TDRD3: variants seen among roughly 807,000 people sequenced by gnomAD.
The protein encoded by TDRD3 is tudor domain containing 3, also known as tudor domain-containing protein 3.
A neutral mutation model predicts 86.7 loss-of-function variants in TDRD3; 45 were observed. That is an observed-to-expected ratio of 0.52 (90% CI 0.41 to 0.67). The LOEUF (loss-of-function observed/expected upper bound fraction) is 0.67. Among genes scored for constraint, TDRD3 ranks in the 30% least tolerant of loss-of-function variants. TDRD3 has a pLI of 0.00. For synonymous variants in TDRD3, 298 were observed against 301.7 expected, an observed-to-expected ratio of 0.99 and a Z score of 0.13; for missense variants, 814 against 889.0, an observed-to-expected ratio of 0.92 and a Z score of 1.07.
At chr13:60,424,081 G>T (rs1954733465) in intron 1 of TDRD3, among the ~76,000 whole-genome samples, 1 of 151,990 alleles carries the variant, frequency 6.6e-6, no homozygotes, top group Non-Finnish European at 1.5e-5. Flanking sequence ...GAGTGCAGTG[G>T]CGCCATCTTG....
chr13:60,541,033 G>A (rs1030380331), intron 12 of TDRD3, among the ~76,000 whole-genome samples: 2 of 152,088 alleles, frequency 1.3e-5, no homozygotes, highest in African/African-American at 2.4e-5. Context: ...TTACTAAGTG[G>A]ACATTAGTTC....
chr13:60,525,168 T>C (rs963553147), intron 10 of TDRD3, among the ~76,000 whole-genome samples: 2 of 91,462 alleles, frequency 2.2e-5, no homozygotes, highest in African/African-American at 3.5e-5. Flanking sequence ...AGGGAATTCT[T>C]TTTTTTTTTT....
intron 5 of TDRD3, among the ~76,000 whole-genome samples, chr13:60,479,855 T>C (rs972062945): frequency 6.6e-6 from 1 of 152,216 alleles, no homozygotes; most frequent in African/African-American, 2.4e-5. Flanking sequence ...GCCTGAAAGA[T>C]GTTTCTCCAT....
chr13:60,537,925 C>T (rs1349317094), intron 12 of TDRD3: 1 of 151,900 alleles, frequency 6.6e-6, no homozygotes, highest in Non-Finnish European at 1.5e-5. Flanking sequence ...AAAAAGCCTG[C>T]ATATAAGCCA....
chr13:60,554,981 A>T (rs1697454219), intron 12 of TDRD3, among the ~76,000 whole-genome samples: 1 of 152,174 alleles, frequency 6.6e-6, no homozygotes, highest in African/African-American at 2.4e-5. Context: ...GTCCTAGTTG[A>T]ATCAGATGAT....
At chr13:60,427,315 TG>T (rs1954837105) in intron 1 of TDRD3, among the ~76,000 whole-genome samples, 1 of 152,114 alleles carries the variant, frequency 6.6e-6, no homozygotes, top group Non-Finnish European at 1.5e-5. Context: ...TTTTGGATTT[TG>T]TAGTGCATAT....
intron 5 of TDRD3, among the ~76,000 whole-genome samples, chr13:60,482,510 G>GC: frequency 6.6e-6 from 1 of 152,168 alleles, no homozygotes; most frequent in East Asian, 1.9e-4. Context: ...TTGAGCTATG[G>GC]TATTATTTGC....
intron 10 of TDRD3, among the ~76,000 whole-genome samples, chr13:60,520,065 G>A (rs1264482740): frequency 6.6e-6 from 1 of 152,038 alleles, no homozygotes. Context: ...TCTTTTAAAA[G>A]GGGCTTTGAA....
At chr13:60,484,064 T>G (rs528407429) in intron 6 of TDRD3, among the ~76,000 whole-genome samples, 1 of 152,214 alleles carries the variant, frequency 6.6e-6, no homozygotes, top group South Asian at 2.1e-4. Context: ...TTGAAGCAAT[T>G]AAGAGCCATA....
At chr13:60,474,984 C>T (rs2137447749) in intron 5 of TDRD3, among the ~76,000 whole-genome samples, 1 of 151,948 alleles carries the variant, frequency 6.6e-6, no homozygotes, top group South Asian at 2.1e-4. Context: ...AGGACATCAT[C>T]TCATTGTCAA....
At chr13:60,561,378 A>G (rs879184923) in intron 12 of TDRD3, among the ~76,000 whole-genome samples, 6 of 152,092 alleles carry the variant, frequency 3.9e-5, no homozygotes, top group African/African-American at 1.2e-4. Context: ...ACTCCACCCA[A>G]TTGGTTGTCA....
chr13:60,565,380 A>G (rs1252381662), intron 12 of TDRD3, among the ~76,000 whole-genome samples: 1 of 151,900 alleles, frequency 6.6e-6, no homozygotes, highest in Non-Finnish European at 1.5e-5. Context: ...ACTTTTTTTT[A>G]GCTTCTACTT....
intron 5 of TDRD3, among the ~76,000 whole-genome samples, chr13:60,474,664 T>C (rs1229315795): frequency 6.6e-6 from 1 of 152,236 alleles, no homozygotes; most frequent in Non-Finnish European, 1.5e-5. Context: ...TTTTGTTATA[T>C]ACTTTACATT....
intron 1 of TDRD3, among the ~76,000 whole-genome samples, chr13:60,416,654 G>A (rs923636118): frequency 2.4e-4 from 36 of 152,210 alleles, no homozygotes; most frequent in African/African-American, 8.7e-4. Context: ...GTCTGCTACA[G>A]TCTGGCTTGT....
chr13:60,507,220 A>T (rs1256891435), intron 8 of TDRD3, among the ~76,000 whole-genome samples: 1 of 152,200 alleles, frequency 6.6e-6, no homozygotes. Flanking sequence ...AGACCTACAA[A>T]GAGATCTTAG....
intron 1 of TDRD3, among the ~76,000 whole-genome samples, chr13:60,433,795 G>T (rs1955014505): frequency 6.6e-6 from 1 of 152,174 alleles, no homozygotes; most frequent in South Asian, 2.1e-4. Context: ...AGCTCAGTCA[G>T]CTGATGTGTA....
chr13:60,450,506 A>G (rs1000958750), intron 3 of TDRD3, among the ~76,000 whole-genome samples: 1 of 152,220 alleles, frequency 6.6e-6, no homozygotes, highest in Non-Finnish European at 1.5e-5. Context: ...TATTTAGTAA[A>G]TACAAATAAT....
chr13:60,447,172 T>G (rs1319844127), intron 3 of TDRD3, among the ~76,000 whole-genome samples: 2 of 152,156 alleles, frequency 1.3e-5, no homozygotes, highest in African/African-American at 4.8e-5. Context: ...TTCCAAAAAC[T>G]AACTTAGAAA....
chr13:60,481,141 A>G (rs977614733), intron 5 of TDRD3, among the ~76,000 whole-genome samples: 2 of 152,112 alleles, frequency 1.3e-5, no homozygotes, highest in African/African-American at 4.8e-5. Context: ...ATGGCCAGGC[A>G]GGGACTCTTA....
Sources: gnomAD v4.1 joint callset for allele counts (sites outside exome capture counted in the v4.1 genomes callset) on GRCh38, gnomAD v4.1.1 for gene constraint, MANE v1.5 for transcripts, NCBI Gene and HGNC (gene_info 2026-07-23, HGNC 2026-07-21) for gene names.